PANX1: variants seen among roughly 807,000 people sequenced by gnomAD.
PANX1 encodes the protein pannexin-1.
Under a neutral mutation model 38.7 loss-of-function variants are expected in PANX1, and 30 were observed. The ratio of observed to expected loss-of-function variants is 0.78; its 90% CI spans 0.58 to 1.05. The LOEUF is 1.05. Among genes scored for constraint, PANX1 ranks in the 50% least tolerant of loss-of-function variants. PANX1 has a pLI of 0.00. For synonymous variants in PANX1, 230 were observed against 212.2 expected, an observed-to-expected ratio of 1.08 and a Z score of -0.73; for missense variants, 551 against 517.2, an observed-to-expected ratio of 1.07 and a Z score of -0.63.
At chr11:94,147,974 G>A (rs1289120638) in intron 1 of PANX1, among the ~76,000 whole-genome samples, 2 of 152,296 alleles carry the variant, frequency 1.3e-5, no homozygotes, top group Middle Eastern at 6.8e-3. Context: ...TTAGTTAAGG[G>A]GCAGGTGTTA....
intron 2 of PANX1, among the ~76,000 whole-genome samples, chr11:94,175,265 A>G (rs1016273721): frequency 3.3e-5 from 5 of 151,668 alleles, no homozygotes; most frequent in Non-Finnish European, 5.9e-5. Context: ...TTTTGGTGGG[A>G]AAAAAATAAA....
chr11:94,169,163 G>A (rs1240467709), intron 2 of PANX1, among the ~76,000 whole-genome samples: 3 of 151,562 alleles, frequency 2.0e-5, no homozygotes, highest in African/African-American at 7.3e-5. Context: ...AAAGCTATAG[G>A]AGTGGATGGT....
chr11:94,180,177 A>C lies in PANX1; in HGVS notation c.1121A>C (p.Lys374Thr). ...MLLLTNLGMI[K>T]MDVVDGKTPM... is the part of the protein sequence containing the mutation. Reference sequence around the variant, plus strand: ...CTCCTGACAAACCTTGGCATGATCAAGATGGATGTTGTTGATGGCAAAACT... The same window carrying C: ...CTCCTGACAAACCTTGGCATGATCACGATGGATGTTGTTGATGGCAAAACT... Residue 374 changes from lysine (K) to threonine (T), a missense_variant, in exon 4 of 5, where the codon AAG (lysine) becomes ACG (threonine). Lys to Thr is a moderately conservative substitution (Grantham distance 78). Transcript: ENST00000227638. The C allele has an allele frequency of 1.2e-6, 2 of 1,614,004 alleles. No individual in the cohort carries two copies. Among genetic ancestry groups the C allele is most frequent in the Non-Finnish European group, 1.7e-6 (2 of 1,179,938 alleles).
intron 1 of PANX1, among the ~76,000 whole-genome samples, chr11:94,142,034 G>A (rs980430638): frequency 2.6e-5 from 4 of 152,206 alleles, no homozygotes; most frequent in African/African-American, 7.2e-5. Flanking sequence ...TGGGGCTAGA[G>A]TGCATTGCTC....
At chr11:94,171,421 G>A (rs1947165641) in intron 2 of PANX1, among the ~76,000 whole-genome samples, 1 of 151,630 alleles carries the variant, frequency 6.6e-6, no homozygotes, top group South Asian at 2.1e-4. Flanking sequence ...CTTTATGCAG[G>A]CAGAGACCAT....
rs749870680 is a variant in PANX1, at chr11:94,180,115, T to C, written c.1059T>C (p.Asn353=). The C allele has an allele frequency of 7.4e-6, 12 of 1,613,988 alleles. No homozygotes were observed. The South Asian group carries it at 1.3e-4, about 18-fold the overall frequency. The change falls in exon 4 of 5, where the codon AAT becomes AAC. Residue 353 remains asparagine (N), a synonymous_variant. Transcript: ENST00000227638. ...ACAAGTGTCTTAAGGTACTGGAGAATATTAAGAGCAGTGGTCAGGGGATCG... is the reference window on the plus strand; with the variant it reads ...ACAAGTGTCTTAAGGTACTGGAGAACATTAAGAGCAGTGGTCAGGGGATCG... The part of the protein sequence containing the change: ...KSYKCLKVLE[N]IKSSGQGIDP...
Position 94,180,987 on chromosome 11 carries a change from T to C in PANX1, c.*118T>C. ...AATAAATGGTTCTTGGTGGAGATACTGAGCATGTCTTATTGAGTCCCTAAT... is the reference window on the plus strand; with the variant it reads ...AATAAATGGTTCTTGGTGGAGATACCGAGCATGTCTTATTGAGTCCCTAAT... On this transcript the variant is annotated 3_prime_UTR_variant, in exon 5 of 5. Transcript: ENST00000227638. The C allele has an allele frequency of 1.5e-6, 1 of 677,806 alleles. No individual in the cohort carries two copies. Among genetic ancestry groups the C allele is most frequent in the Non-Finnish European group, 2.7e-6 (1 of 372,748 alleles). 42.0% of individuals were successfully genotyped at this position (677,806 alleles called of 1,614,324 possible).
At chr11:94,143,088 G>A (rs897466445) in intron 1 of PANX1, among the ~76,000 whole-genome samples, 2 of 152,198 alleles carry the variant, frequency 1.3e-5, no homozygotes, top group Non-Finnish European at 2.9e-5. Context: ...TCCTTTTCAT[G>A]TTGCCAGAGT....
At chr11:94,166,220 G>C (rs1002265727) in intron 2 of PANX1, among the ~76,000 whole-genome samples, 13 of 152,138 alleles carry the variant, frequency 8.5e-5, no homozygotes, top group Non-Finnish European at 1.2e-4. Context: ...AGAGTATTCT[G>C]TATTTGTCTG....
chr11:94,138,376 G>C (rs1946725304), intron 1 of PANX1, among the ~76,000 whole-genome samples: 1 of 151,964 alleles, frequency 6.6e-6, no homozygotes, highest in African/African-American at 2.4e-5. Context: ...TTTTCCAAGG[G>C]GATGTTGGTT....
chr11:94,162,455 G>A (rs986605194), intron 2 of PANX1, among the ~76,000 whole-genome samples: 69 of 152,238 alleles, frequency 4.5e-4, no homozygotes, highest in African/African-American at 1.5e-3. Context: ...CCACCTTGCA[G>A]TTTGATCTCG....
At chr11:94,180,415 C>T (rs1472295894) in intron 4 of PANX1, among the ~76,000 whole-genome samples, 158 bp downstream of exon 4, 1 of 152,054 alleles carries the variant, frequency 6.6e-6, no homozygotes, top group East Asian at 1.9e-4. Flanking sequence ...AGTGGGAACC[C>T]CTCAGTATAA....
At chr11:94,138,209 A>G (rs1179917045) in intron 1 of PANX1, among the ~76,000 whole-genome samples, 1 of 152,226 alleles carries the variant, frequency 6.6e-6, no homozygotes, top group Admixed American at 6.5e-5. Context: ...CACAGCTGGC[A>G]AAAGTTAGTG....
chr11:94,154,699 C>T (rs1946926010), intron 2 of PANX1, among the ~76,000 whole-genome samples: 1 of 152,090 alleles, frequency 6.6e-6, no homozygotes, highest in Non-Finnish European at 1.5e-5. Flanking sequence ...GGGCACTGGT[C>T]CCCTGCACAG....
At position 94,154,688 on chromosome 11, in the gene PANX1, G is replaced by T. The variant is rs192011670; in HGVS notation, c.321+1058G>T. The stretch of plus-strand genomic sequence containing the variant: ...TTGACCCTTGAACAATGTGGGGGTC[G>T]GGGCACTGGTCCCCTGCACAGTCAA... On this transcript the variant is annotated intron_variant, in intron 2 of 4. Coordinates refer to ENST00000227638, the MANE Select transcript of PANX1 (RefSeq NM_015368.4). Among the ~76,000 whole-genome samples, 7 of 152,196 alleles carry T rather than the reference G, an allele frequency of 4.6e-5. No individual in the cohort carries two copies. In the South Asian group the frequency reaches 1.5e-3, roughly 32 times the overall value.
In PANX1 at chr11:94,176,582, G is replaced by A. The variant is rs528069385; in HGVS notation, c.322-1787G>A. 5.3e-4 allele frequency among the ~76,000 whole-genome samples: 80 copies of A among 151,766 alleles called. 2 individuals carry two copies. Among genetic ancestry groups the A allele is most frequent in the African/African-American group, 1.8e-3 (75 of 41,060 alleles). On this transcript the variant is annotated intron_variant, in intron 2 of 4. Transcript: ENST00000227638. ...AGTGAGGGGCTTATGGGAATGCTCT[G>A]TACATCTGAAATTACAGTGAGGGCC...
At chr11:94,153,691 A>C (rs1034180768) in intron 2 of PANX1, 61 bp downstream of exon 2, 2 of 1,515,550 alleles carry the variant, frequency 1.3e-6, no homozygotes. Flanking sequence ...ACTAAAGCCC[A>C]GGGAGGCTAT....
At chr11:94,160,398 T>C (rs191321977) in intron 2 of PANX1, among the ~76,000 whole-genome samples, 1 of 152,192 alleles carries the variant, frequency 6.6e-6, no homozygotes, top group African/African-American at 2.4e-5. Context: ...GCTTTATGAA[T>C]CTGGGGGCTC....
Position 94,133,344 on chromosome 11 carries a change from G to T in PANX1, c.181+3851G>T, listed in dbSNP as rs187323011. Among the ~76,000 whole-genome samples, 341 of 152,248 alleles carry T rather than the reference G, an allele frequency of 2.2e-3. 1 individual carries two copies. Among genetic ancestry groups the T allele is most frequent in the Non-Finnish European group, 3.1e-3 (211 of 68,014 alleles). ...TGGCTGCCCACAATCACAGGTTGAG[G>T]GTCACTGCAGAAGTGATGTGGTCTG... On this transcript the variant is annotated intron_variant, in intron 1 of 4. Coordinates refer to ENST00000227638, the MANE Select transcript of PANX1 (RefSeq NM_015368.4).
Sources: allele counts gnomAD v4.1 joint callset (sites outside exome capture counted in the v4.1 genomes callset), GRCh38; gene constraint gnomAD v4.1.1; transcripts MANE v1.5; gene names NCBI Gene and HGNC (gene_info 2026-07-23, HGNC 2026-07-21).